Variants in MACROD2 observed in about 807,000 individuals in gnomAD.
The protein encoded by MACROD2 is ADP-ribose glycohydrolase MACROD2.
In MACROD2, 36 loss-of-function variants were observed where a neutral mutation model predicts 70.4. That is an observed-to-expected ratio of 0.51 (90% CI 0.39 to 0.68). The LOEUF (loss-of-function observed/expected upper bound fraction) is 0.68, where lower values mean the gene tolerates loss of function less well. Among genes scored for constraint, MACROD2 ranks in the 30% least tolerant of loss-of-function variants. MACROD2 has a pLI of 0.00. For synonymous variants in MACROD2, 172 were observed against 178.8 expected, an observed-to-expected ratio of 0.96 and a Z score of 0.30; for missense variants, 496 against 538.4, an observed-to-expected ratio of 0.92 and a Z score of 0.78.
At chr20:15,407,992 G>A (rs914931418) in intron 6 of MACROD2, among the ~76,000 whole-genome samples, 6 of 152,112 alleles carry the variant, frequency 3.9e-5, no homozygotes, top group South Asian at 2.1e-4. Flanking sequence ...TCCATGCTGC[G>A]AAATCAGCTT....
At chr20:15,867,248 A>T (rs2064506199) in intron 9 of MACROD2, among the ~76,000 whole-genome samples, 1 of 152,232 alleles carries the variant, frequency 6.6e-6, no homozygotes, top group Admixed American at 6.5e-5. Flanking sequence ...ATACAGTCAT[A>T]TTCTAAGATA....
At chr20:15,184,988 GC>G (rs1243272375) in intron 5 of MACROD2, among the ~76,000 whole-genome samples, 1 of 152,180 alleles carries the variant, frequency 6.6e-6, no homozygotes, top group African/African-American at 2.4e-5. Context: ...TATGATGGGA[GC>G]TTTAATGGAC....
chr20:14,507,252 T>G (rs2084978817), intron 4 of MACROD2, among the ~76,000 whole-genome samples: 2 of 152,112 alleles, frequency 1.3e-5, no homozygotes, highest in African/African-American at 4.8e-5. Flanking sequence ...TTTATTCTCT[T>G]TCCTCTCTTT....
chr20:14,065,016 A>G lies in MACROD2; in HGVS notation c.164-20605A>G, dbSNP rs189277977. 2.0e-4 allele frequency among the ~76,000 whole-genome samples: 30 copies of G among 152,326 alleles called. No individual in the cohort carries two copies. In the East Asian group the frequency reaches 5.2e-3, roughly 26 times the overall value. On this transcript the variant is annotated intron_variant, in intron 2 of 17. Transcript: ENST00000684519. ...TACATACAATCTGAATCACGGAACC[A>G]AAGACATTTGTTGCAGAGATTAGCA...
At chr20:15,380,491 AT>A (rs2045628764) in intron 6 of MACROD2, among the ~76,000 whole-genome samples, 2 of 152,074 alleles carry the variant, frequency 1.3e-5, no homozygotes, top group African/African-American at 4.8e-5. Flanking sequence ...TAAACTTATA[AT>A]TAATGTTATA....
intron 8 of MACROD2, among the ~76,000 whole-genome samples, chr20:15,809,416 G>T (rs2063797340): frequency 6.6e-6 from 1 of 152,194 alleles, no homozygotes; most frequent in Admixed American, 6.5e-5. Context: ...TCACGGTTCT[G>T]CAGGCTGTAC....
intron 3 of MACROD2, among the ~76,000 whole-genome samples, chr20:14,376,751 A>AAATAATAAT (rs6147295): frequency 1.4e-4 from 19 of 135,858 alleles, no homozygotes; most frequent in African/African-American, 3.5e-4. Flanking sequence ...GCCTGTCTCA[A>AAATAATAAT]AATAATAATA....
intron 5 of MACROD2, among the ~76,000 whole-genome samples, chr20:15,053,372 C>A (rs2075458092): frequency 6.6e-6 from 1 of 152,144 alleles, no homozygotes; most frequent in Non-Finnish European, 1.5e-5. Flanking sequence ...TTGTTAGGAG[C>A]TAATGCAGTG....
chr20:14,951,117 G>A (rs1222205362), intron 5 of MACROD2, among the ~76,000 whole-genome samples: 1 of 152,100 alleles, frequency 6.6e-6, no homozygotes, highest in Non-Finnish European at 1.5e-5. Flanking sequence ...TGGATTGGGG[G>A]ATTGAGGGTT....
intron 10 of MACROD2, among the ~76,000 whole-genome samples, chr20:15,904,682 G>A (rs1451659419): frequency 6.6e-6 from 1 of 151,880 alleles, no homozygotes; most frequent in Non-Finnish European, 1.5e-5. Flanking sequence ...CACGAGGTCA[G>A]GAGATCGAGA....
At chr20:14,741,320 C>T (rs2071729259) in intron 5 of MACROD2, among the ~76,000 whole-genome samples, 1 of 152,096 alleles carries the variant, frequency 6.6e-6, no homozygotes, top group African/African-American at 2.4e-5. Context: ...TTTTTAGTTT[C>T]ATAAGCAGTA....
intron 3 of MACROD2, among the ~76,000 whole-genome samples, chr20:14,165,474 G>A (rs2055254274): frequency 6.6e-6 from 1 of 152,038 alleles, no homozygotes; most frequent in African/African-American, 2.4e-5. Flanking sequence ...CTTTCTTAGA[G>A]GATCTATTTT....
intron 6 of MACROD2, among the ~76,000 whole-genome samples, chr20:15,374,530 C>T (rs1159412048): frequency 6.6e-6 from 1 of 152,084 alleles, no homozygotes; most frequent in Admixed American, 6.6e-5. Flanking sequence ...AAGAAGAGAA[C>T]ACAGCTTTCC....
intron 6 of MACROD2, among the ~76,000 whole-genome samples, chr20:15,332,803 G>T (rs1256860358): frequency 6.6e-6 from 1 of 151,666 alleles, no homozygotes; most frequent in African/African-American, 2.4e-5. Context: ...GTCCTTTTCT[G>T]TTGGGGATAG....
intron 8 of MACROD2, among the ~76,000 whole-genome samples, chr20:15,837,480 G>T (rs1245200389): frequency 2.6e-5 from 4 of 152,036 alleles, no homozygotes; most frequent in Non-Finnish European, 5.9e-5. Flanking sequence ...CCCCTCGAGG[G>T]CTCTACTGTG....
intron 3 of MACROD2, among the ~76,000 whole-genome samples, chr20:14,333,443 G>C (rs2082879287): frequency 6.6e-6 from 1 of 152,116 alleles, no homozygotes; most frequent in African/African-American, 2.4e-5. Flanking sequence ...TAAACCCAAA[G>C]TAAATGAATT....
Position 15,951,810 on chromosome 20 carries a change from C to T in MACROD2, c.907+14266C>T, listed in dbSNP as rs191746091. 2.6e-4 allele frequency among the ~76,000 whole-genome samples: 40 copies of T among 152,240 alleles called. No homozygotes were observed. In the East Asian group the frequency reaches 5.0e-3, roughly 19 times the overall value. On this transcript the variant is annotated intron_variant, in intron 12 of 17. Transcript: ENST00000684519. ...AAACCCATTACACTGTTTCAATTTA[C>T]GTAAATCACCCGTAAATGTTATCTA...
At chr20:15,112,030 T>G (rs2075959271) in intron 5 of MACROD2, among the ~76,000 whole-genome samples, 1 of 152,212 alleles carries the variant, frequency 6.6e-6, no homozygotes, top group Non-Finnish European at 1.5e-5. Context: ...GGCCAGGATT[T>G]GACCCTATTG....
intron 5 of MACROD2, among the ~76,000 whole-genome samples, chr20:15,205,944 C>T (rs1399195584): frequency 6.6e-6 from 1 of 152,188 alleles, no homozygotes; most frequent in Non-Finnish European, 1.5e-5. Context: ...AATGAGTCAA[C>T]TTGGTGTTAC....
Sources: allele counts gnomAD v4.1 joint callset (sites outside exome capture counted in the v4.1 genomes callset), GRCh38; gene constraint gnomAD v4.1.1; transcripts MANE v1.5; gene names NCBI Gene and HGNC (gene_info 2026-07-23, HGNC 2026-07-21).